Variants in YTHDF1 observed in about 807,000 individuals in gnomAD.
YTHDF1 encodes the protein YTH N6-methyladenosine RNA binding protein F1.
In YTHDF1, 16 loss-of-function variants were observed where a neutral mutation model predicts 49.1. That is an observed-to-expected ratio of 0.33 (90% CI 0.22 to 0.49). YTHDF1 has a LOEUF of 0.49. YTHDF1 is among the 20% of genes least tolerant of loss of function. The pLI, the probability that YTHDF1 is intolerant of heterozygous loss-of-function variation, is 0.99. For synonymous variants in YTHDF1, 313 were observed against 290.1 expected (o/e 1.08, Z -0.80); for missense variants, 621 against 744.3 (o/e 0.83, Z 1.93).
chr20:63,200,857 C>G (rs2066513960), intron 4 of YTHDF1, among the ~76,000 whole-genome samples: 1 of 152,136 alleles, frequency 6.6e-6, no homozygotes, highest in South Asian at 2.1e-4. Flanking sequence ...TAGCAATTAT[C>G]CCTGCAACTT....
At chr20:63,215,022 G>A (rs887960042) in intron 2 of YTHDF1, among the ~76,000 whole-genome samples, 2 of 152,176 alleles carry the variant, frequency 1.3e-5, no homozygotes, top group African/African-American at 4.8e-5. Flanking sequence ...CTTAAAACAC[G>A]ATGAACCGTA....
chr20:63,203,017 T>C lies in YTHDF1; in HGVS notation c.923A>G (p.Gln308Arg), dbSNP rs1053648022. ...PQQVAQPLPA[Q>R]PPALAQPQYQ... is the part of the protein sequence containing the mutation. ...CTGCGGTTGAGCCAAAGCTGGGGGC[T>C]GTGCTGGGAGAGGCTGAGCCACCTG... Residue 308 changes from glutamine to arginine, a missense_variant, in exon 4 of 5, where the codon CAG (glutamine) becomes CGG (arginine). Coordinates refer to ENST00000370339, the MANE Select transcript of YTHDF1 (RefSeq NM_017798.4). This position sits in a 1 kb window ranked among gnomAD's most constrained non-coding sequence, Gnocchi z 4.4. 2 of 1,611,026 alleles carry C rather than the reference T, an allele frequency of 1.2e-6. No individual in the cohort carries two copies. The highest frequency in any genetic ancestry group is 2.7e-5 in the African/African-American group (2 of 75,032).
In YTHDF1 at chr20:63,215,582, T is replaced by C. The variant is rs747283653; in HGVS notation, c.47A>G (p.Asn16Ser). 8 of 1,613,196 alleles carry C rather than the reference T, an allele frequency of 5.0e-6. No homozygotes were observed. Among genetic ancestry groups the C allele is most frequent in the Non-Finnish European group, 6.8e-6 (8 of 1,179,634 alleles). The change falls in exon 2 of 5, where the codon AAT (asparagine) becomes AGT (serine). Residue 16 changes from asparagine to serine, a missense_variant. By Grantham distance (46) the Asn-to-Ser change is conservative. Transcript: ENST00000370339. ...VDTQRTKGQD[N>S]KVQNGSLHQK... is the part of the protein sequence containing the mutation. ...CGTCCCGGGACTCCGCTCACCTTTA[T>C]TATCTTGTCCTTTTGTTCTCTGCAC...
chr20:63,203,958 G>T lies in YTHDF1; in HGVS notation c.133-151C>A. 1.4e-6 allele frequency: 1 copy of T among 703,038 alleles called. No individual in the cohort carries two copies. Among genetic ancestry groups the T allele is most frequent in the Non-Finnish European group, 2.3e-6 (1 of 437,530 alleles). 43.5% of individuals were successfully genotyped at this position (703,038 alleles called of 1,614,324 possible). On this transcript the variant is annotated intron_variant, in intron 3 of 4. Transcript: ENST00000370339. This position sits in a 1 kb window ranked among gnomAD's most constrained non-coding sequence, Gnocchi z 4.4. ...CAGAAAGAAAGCTGTAGTCGCCAAT[G>T]TGAGAACCAAATCAAGACAGAGAAA... is the stretch of plus-strand genomic sequence containing the variant.
chr20:63,212,631 T>A (rs556909237), intron 3 of YTHDF1, among the ~76,000 whole-genome samples: 116 of 152,266 alleles, frequency 7.6e-4, no homozygotes, highest in African/African-American at 2.7e-3. Flanking sequence ...GCAGGGGAAG[T>A]CTGATTCCCG....
At chr20:63,215,793 T>C (rs2066599386) in intron 1 of YTHDF1, 73 bp downstream of exon 1, 1 of 1,429,096 alleles carries the variant, frequency 7.0e-7, no homozygotes, top group African/African-American at 1.5e-5. Flanking sequence ...GGCTCTGCGT[T>C]CCAGCCCCAG....
intron 3 of YTHDF1, among the ~76,000 whole-genome samples, chr20:63,212,870 G>T (rs1399905911): frequency 2.6e-5 from 4 of 152,156 alleles, no homozygotes; most frequent in Non-Finnish European, 5.9e-5. Flanking sequence ...ATCCAACAAT[G>T]CACAGGACAG....
Position 63,215,587 on chromosome 20 carries a change from T to C in YTHDF1, c.42A>G (p.Gln14=), listed in dbSNP as rs1044430925. The change falls in exon 2 of 5, where the codon CAA becomes CAG. Residue 14 remains glutamine (Q), a synonymous_variant. Coordinates refer to ENST00000370339, the MANE Select transcript of YTHDF1 (RefSeq NM_017798.4). ...CGGGACTCCGCTCACCTTTATTATCTTGTCCTTTTGTTCTCTGCACCGCCG... is the reference window on the plus strand; with the variant it reads ...CGGGACTCCGCTCACCTTTATTATCCTGTCCTTTTGTTCTCTGCACCGCCG... ...TSVDTQRTKG[Q]DNKVQNGSLH... is the part of the protein sequence containing the mutation. The C allele has an allele frequency of 1.7e-5, 27 of 1,612,518 alleles. No homozygotes were observed. Among genetic ancestry groups the C allele is most frequent in the Non-Finnish European group, 2.3e-5 (27 of 1,179,320 alleles).
Position 63,196,328 on chromosome 20 carries a change from T to C in YTHDF1, c.*380A>G, listed in dbSNP as rs1162607547. The C allele has an allele frequency of 1.2e-5, 2 of 166,092 alleles. No homozygotes were observed. Among genetic ancestry groups the C allele is most frequent in the East Asian group, 3.3e-4 (2 of 6,048 alleles). The allele number at this position is 166,092 out of a possible 1,614,324, so 10.3% of individuals were successfully genotyped here. ...ATACTCTAAATGACAAAATGACTCA[T>C]GGTTTCTTATGTTTGCTAAAAAGCA... On this transcript the variant is annotated 3_prime_UTR_variant, in exon 5 of 5. Coordinates refer to ENST00000370339, the MANE Select transcript of YTHDF1 (RefSeq NM_017798.4).
Position 63,203,875 on chromosome 20 carries a change from C to T in YTHDF1, c.133-68G>A. ...GAGATGCTGAGAATGCCAACCGCCT[C>T]TTGCTTAAGCACAGGTGGAGCAAAA... On this transcript the variant is annotated intron_variant, in intron 3 of 4. Transcript: ENST00000370339. The surrounding 1 kb of genome is among the most constrained non-coding windows in gnomAD (Gnocchi z 4.4). 6.8e-7 allele frequency: 1 copy of T among 1,461,016 alleles called. No homozygotes were observed. The highest frequency in any genetic ancestry group is 2.4e-5 in the East Asian group (1 of 41,798). 90.5% of individuals were successfully genotyped at this position (1,461,016 alleles called of 1,614,324 possible). A position where few individuals can be genotyped will look rare whatever the true frequency, so the allele number is the denominator to read the frequency against.
Position 63,203,571 on chromosome 20 carries a change from G to GA in YTHDF1, c.368dup (p.Glu125Ter). On this transcript the variant is annotated frameshift_variant, in exon 4 of 5. Coordinates refer to ENST00000370339, the MANE Select transcript of YTHDF1 (RefSeq NM_017798.4). LOFTEE classifies it high-confidence loss of function. This position sits in a 1 kb window ranked among gnomAD's most constrained non-coding sequence, Gnocchi z 4.4. ...ATGCTGAGAACGCAGGGTTTTCAGG[G>GA]AAAAAATTGAACCTGTGCTGATAGA... The GA allele has an allele frequency of 6.2e-7, 1 of 1,614,120 alleles. No homozygotes were observed. The highest frequency in any genetic ancestry group is 8.5e-7 in the Non-Finnish European group (1 of 1,180,022).
At chr20:63,198,572 T>C (rs897216674) in intron 4 of YTHDF1, among the ~76,000 whole-genome samples, 1 of 151,990 alleles carries the variant, frequency 6.6e-6, no homozygotes, top group Non-Finnish European at 1.5e-5. Flanking sequence ...CTTCAGCCCT[T>C]ATAAACAGCT....
chr20:63,206,694 T>C (rs6122398), intron 3 of YTHDF1, among the ~76,000 whole-genome samples: 52,598 of 152,164 alleles, frequency 0.35, 9,283 homozygotes, highest in Middle Eastern at 0.45. Flanking sequence ...GACCTGGGGT[T>C]CTGTGGGCCG....
chr20:63,203,179 G>A lies in YTHDF1; in HGVS notation c.761C>T (p.Pro254Leu), dbSNP rs1405646581. Residue 254 changes from proline to leucine, a missense_variant, in exon 4 of 5, where the codon CCT becomes CTT. This residue lies in a region of YTHDF1 where 470 missense variants were observed against 495.8 expected (regional missense o/e 0.95). Coordinates refer to ENST00000370339, the MANE Select transcript of YTHDF1 (RefSeq NM_017798.4). This position sits in a 1 kb window ranked among gnomAD's most constrained non-coding sequence, Gnocchi z 4.4. Reference sequence around the variant, plus strand: ...AGGGGGCAGCCCACCCCCCATGACAGGCCCGCTCTTTGTTTTCATTTTAGG... The same window carrying A: ...AGGGGGCAGCCCACCCCCCATGACAAGCCCGCTCTTTGTTTTCATTTTAGG... ...PQPKMKTKSGPVMGGGLPPPP... is the reference protein window; with the variant it reads ...PQPKMKTKSGLVMGGGLPPPP... 2 of 1,613,774 alleles carry A rather than the reference G, an allele frequency of 1.2e-6. No homozygotes were observed. The highest frequency in any genetic ancestry group is 1.3e-5 in the African/African-American group (1 of 74,940).
intron 2 of YTHDF1, among the ~76,000 whole-genome samples, chr20:63,215,256 G>A (rs1212823955): frequency 6.6e-6 from 1 of 152,170 alleles, no homozygotes; most frequent in Non-Finnish European, 1.5e-5. Context: ...AGCCCCTGCT[G>A]GGCGGAAAAA....
intron 4 of YTHDF1, among the ~76,000 whole-genome samples, chr20:63,202,005 G>A (rs556105378): frequency 8.5e-5 from 13 of 152,248 alleles, no homozygotes; most frequent in Non-Finnish European, 1.6e-4. Context: ...AACAGAATGT[G>A]TACACTGTGG....
At chr20:63,197,742 G>T (rs973909997) in intron 4 of YTHDF1, among the ~76,000 whole-genome samples, 2 of 151,874 alleles carry the variant, frequency 1.3e-5, no homozygotes, top group African/African-American at 4.8e-5. Context: ...ACCCTATCTC[G>T]AAATAAAAAC....
chr20:63,206,416 C>T (rs1047579504), intron 3 of YTHDF1, among the ~76,000 whole-genome samples: 2 of 152,188 alleles, frequency 1.3e-5, no homozygotes, highest in East Asian at 3.8e-4. Flanking sequence ...CCTGAAAATC[C>T]GTTTTAAGTA....
In YTHDF1 at chr20:63,196,060, C is replaced by A. The variant is rs866545778; in HGVS notation, c.*648G>T. 4 of 151,390 alleles carry A rather than the reference C, an allele frequency of 2.6e-5. No individual in the cohort carries two copies. Among genetic ancestry groups the A allele is most frequent in the African/African-American group, 7.3e-5 (3 of 41,052 alleles). 9.4% of individuals were successfully genotyped at this position (151,390 alleles called of 1,614,324 possible). On this transcript the variant is annotated 3_prime_UTR_variant, in exon 5 of 5. Coordinates refer to ENST00000370339, the MANE Select transcript of YTHDF1 (RefSeq NM_017798.4). Reference sequence around the variant, plus strand: ...ATGCCCCAACACCATCCAGCCCAATCGGACACCAGGACAGTGAGGGACGGG... The same window carrying A: ...ATGCCCCAACACCATCCAGCCCAATAGGACACCAGGACAGTGAGGGACGGG...
Sources: gnomAD v4.1 joint callset for allele counts (sites outside exome capture counted in the v4.1 genomes callset) on GRCh38, gnomAD v4.1.1 for gene constraint, gnomAD v4.1.1 regional missense constraint, Gnocchi (gnomAD v3.1) non-coding constraint, MANE v1.5 for transcripts, NCBI Gene and HGNC (gene_info 2026-07-23, HGNC 2026-07-21) for gene names.